The following CATSPER4 variants were observed in gnomAD, a reference collection of about 807,000 sequenced individuals.
CATSPER4 encodes the protein cation channel sperm-associated protein 4.
A neutral mutation model predicts 54.4 loss-of-function variants in CATSPER4; 46 were observed. The observed-to-expected ratio is 0.84, with a 90% CI of 0.67 to 1.08. CATSPER4 has a LOEUF of 1.08. CATSPER4 is among the 50% of genes least tolerant of loss of function. CATSPER4 has a pLI of 0.00. For missense variants in CATSPER4, 574 were observed against 612.8 expected (o/e 0.94, Z 0.67); for synonymous variants, 230 against 231.9 (o/e 0.99, Z 0.08).
chr1:26,190,854 T>C lies in CATSPER4; in HGVS notation c.213+14T>C. Reference sequence around the variant, plus strand: ...ACGAACAAAGCGGTAAGGATAGCTCTCGCCCCACAGTGGCCCCTTCTGCAG... The same window carrying C: ...ACGAACAAAGCGGTAAGGATAGCTCCCGCCCCACAGTGGCCCCTTCTGCAG... On this transcript the variant is annotated intron_variant, in intron 1 of 9. Coordinates refer to ENST00000456354, the MANE Select transcript of CATSPER4 (RefSeq NM_198137.2). 1.3e-6 allele frequency: 2 copies of C among 1,591,222 alleles called. No individual in the cohort carries two copies. Among genetic ancestry groups the C allele is most frequent in the Non-Finnish European group, 1.7e-6 (2 of 1,168,334 alleles).
intron 6 of CATSPER4, 112 bp from the exon 7 acceptor site, chr1:26,199,772 G>A (rs2088984764): frequency 8.5e-7 from 1 of 1,170,632 alleles, no homozygotes; most frequent in African/African-American, 1.5e-5. Context: ...CAACAGCAGT[G>A]ACACAGGCAG....
At chr1:26,197,900 T>C in intron 4 of CATSPER4, 57 bp from the exon 5 acceptor site, 1 of 1,558,556 alleles carries the variant, frequency 6.4e-7, no homozygotes, top group East Asian at 2.2e-5. Flanking sequence ...GTGGGGGTAA[T>C]GAGGAGGGAA....
chr1:26,196,104 T>C (rs2088934730), intron 3 of CATSPER4, among the ~76,000 whole-genome samples: 1 of 151,946 alleles, frequency 6.6e-6, no homozygotes, highest in African/African-American at 2.4e-5. Context: ...AATCTTTCTA[T>C]ATCAGTACAT....
At chr1:26,201,195 A>G in intron 8 of CATSPER4, 154 bp downstream of exon 8, 1 of 950,758 alleles carries the variant, frequency 1.1e-6, no homozygotes, top group Non-Finnish European at 1.6e-6. Context: ...TGGAATCCAG[A>G]CTCCAGGTTC....
In CATSPER4 at chr1:26,201,359, T is replaced by C; in HGVS notation, c.1205T>C (p.Val402Ala). 1 of 1,613,924 alleles carries C rather than the reference T, an allele frequency of 6.2e-7. No individual in the cohort carries two copies. The highest frequency in any genetic ancestry group is 8.5e-7 in the Non-Finnish European group (1 of 1,179,966). ...KEIRDELNMI[V>A]EEVRAIRFNQ... ...ACTCACTGCTCCACCCCCAGGATTG[T>C]GGAGGAGGTGCGCGCAATCCGCTTC... is the stretch of plus-strand genomic sequence containing the variant. Residue 402 changes from valine to alanine, a missense_variant, in exon 9 of 10, where the codon GTG becomes GCG. Coordinates refer to ENST00000456354, the MANE Select transcript of CATSPER4 (RefSeq NM_198137.2).
intron 5 of CATSPER4, 74 bp from the exon 6 acceptor site, chr1:26,198,212 T>C: frequency 1.2e-6 from 2 of 1,613,810 alleles, no homozygotes; most frequent in Non-Finnish European, 1.7e-6. Flanking sequence ...GCAGCGTTCA[T>C]TTACATGACA....
At chr1:26,193,909 C>G in intron 3 of CATSPER4, 21 bp downstream of exon 3, 1 of 1,537,968 alleles carries the variant, frequency 6.5e-7, no homozygotes, top group Non-Finnish European at 9.0e-7. Context: ...GAGCCCTTTG[C>G]CCCTACTTCC....
intron 8 of CATSPER4, 89 bp from the exon 9 acceptor site, chr1:26,201,265 G>C (rs2124530373): frequency 1.4e-6 from 2 of 1,413,770 alleles, no homozygotes; most frequent in East Asian, 2.3e-5. Context: ...GCGTGGGAGA[G>C]CGAAGCGGGG....
chr1:26,201,175 G>C, intron 8 of CATSPER4, 134 bp downstream of exon 8: 1 of 958,402 alleles, frequency 1.0e-6, no homozygotes, highest in Non-Finnish European at 1.6e-6. Flanking sequence ...CACCCTATTG[G>C]TGGAGGAACT....
At chr1:26,199,780 CAGA>C in intron 6 of CATSPER4, 101 bp from the exon 7 acceptor site, 1 of 1,268,228 alleles carries the variant, frequency 7.9e-7, no homozygotes, top group Admixed American at 1.9e-5. Flanking sequence ...GTGACACAGG[CAGA>C]AGTTCTAGTA....
At chr1:26,191,483 C>G in intron 2 of CATSPER4, 53 bp downstream of exon 2, 1 of 1,599,124 alleles carries the variant, frequency 6.3e-7, no homozygotes, top group South Asian at 1.1e-5. Flanking sequence ...GGGCCTGGGG[C>G]AAGAACTCTT....
intron 9 of CATSPER4, among the ~76,000 whole-genome samples, chr1:26,202,060 G>C (rs552553479): frequency 6.6e-6 from 1 of 152,046 alleles, no homozygotes; most frequent in African/African-American, 2.4e-5. Flanking sequence ...TTTCCTTCTC[G>C]GAAAGGCTCC....
chr1:26,191,469 T>TG (rs748751122), intron 2 of CATSPER4, 39 bp downstream of exon 2: 2 of 1,608,018 alleles, frequency 1.2e-6, no homozygotes, highest in East Asian at 2.2e-5. Flanking sequence ...CTAACCCTAA[T>TG]GGGGGGCCTG....
Position 26,201,532 on chromosome 1 carries a change from T to TCTC in CATSPER4, c.1365+16_1365+18dup. On this transcript the variant is annotated intron_variant, in intron 9 of 9. Coordinates refer to ENST00000456354, the MANE Select transcript of CATSPER4 (RefSeq NM_198137.2). Reference sequence around the variant, plus strand: ...TAGCATGGAAAAGGTGTGCCTTCCTTCTCCTACCCAATGGGTACTCGCCCT... The same window carrying TCTC: ...TAGCATGGAAAAGGTGTGCCTTCCTTCTCCTCCTACCCAATGGGTACTCGCCCT... 1.9e-6 allele frequency: 3 copies of TCTC among 1,613,698 alleles called. No homozygotes were observed. Among genetic ancestry groups the TCTC allele is most frequent in the Non-Finnish European group, 2.5e-6 (3 of 1,179,812 alleles).
chr1:26,192,631 C>T (rs1387922119), intron 2 of CATSPER4, among the ~76,000 whole-genome samples: 2 of 147,456 alleles, frequency 1.4e-5, no homozygotes, highest in African/African-American at 2.5e-5. Flanking sequence ...CTCGCTCTGT[C>T]GCCCAGGCTG....
At chr1:26,191,709 G>C (rs1419091783) in intron 2 of CATSPER4, among the ~76,000 whole-genome samples, 1 of 152,136 alleles carries the variant, frequency 6.6e-6, no homozygotes, top group Non-Finnish European at 1.5e-5. Flanking sequence ...TGTGGAGAAG[G>C]GGTATCCAAT....
In CATSPER4 at chr1:26,198,073, T is replaced by A. The variant is rs577071850; in HGVS notation, c.674T>A (p.Met225Lys). 6.2e-7 allele frequency: 1 copy of A among 1,614,210 alleles called. No individual in the cohort carries two copies. The highest frequency in any genetic ancestry group is 2.2e-5 in the East Asian group (1 of 44,882). ...ANIMVLILFFMLVFSVFGVTL... is the reference protein window; with the variant it reads ...ANIMVLILFFKLVFSVFGVTL... The stretch of plus-strand genomic sequence containing the variant: ...ATCATGGTCCTCATCCTCTTCTTCA[T>A]GCTGGTCAGTGCCTGCCCCCGCCCC... Residue 225 changes from methionine (M) to lysine (K), a missense_variant, in exon 5 of 10, where the codon ATG becomes AAG. Transcript: ENST00000456354.
In CATSPER4 at chr1:26,193,895, T is replaced by A; in HGVS notation, c.459+7T>A. On this transcript the variant is annotated splice_region_variant and intron_variant, in intron 3 of 9. Transcript: ENST00000456354. Reference sequence around the variant, plus strand: ...CTTCTGGATTTTCTGGAAGGTGAGATCCTGAGCCCTTTGCCCCTACTTCCC... The same window carrying A: ...CTTCTGGATTTTCTGGAAGGTGAGAACCTGAGCCCTTTGCCCCTACTTCCC... 1 of 1,606,782 alleles carries A rather than the reference T, an allele frequency of 6.2e-7. No homozygotes were observed. The highest frequency in any genetic ancestry group is 8.5e-7 in the Non-Finnish European group (1 of 1,173,308).
At chr1:26,197,928 A>AG (rs2088960870) in intron 4 of CATSPER4, 29 bp from the exon 5 acceptor site, 1 of 1,612,108 alleles carries the variant, frequency 6.2e-7, no homozygotes, top group African/African-American at 1.3e-5. Context: ...GGAAGGGCCT[A>AG]GGGGCACCCC....
Sources: allele counts gnomAD v4.1 joint callset (sites outside exome capture counted in the v4.1 genomes callset), GRCh38; gene constraint gnomAD v4.1.1; transcripts MANE v1.5; gene names NCBI Gene and HGNC (gene_info 2026-07-23, HGNC 2026-07-21).